The following FAM114A2 variants were observed in gnomAD, a reference collection of about 807,000 sequenced individuals.
The protein encoded by FAM114A2 is protein FAM114A2.
FAM114A2 carries 53 observed loss-of-function variants against 58.4 expected under a neutral mutation model. That is an observed-to-expected ratio of 0.91 (90% confidence interval 0.73 to 1.14). The LOEUF is 1.14. Ranked by LOEUF, FAM114A2 falls within the 50% of genes most tolerant of loss-of-function variation. FAM114A2 has a pLI of 0.00. For missense variants in FAM114A2, 601 were observed against 581.1 expected (o/e 1.03, Z -0.35); for synonymous variants, 228 against 211.4 (o/e 1.08, Z -0.68).
chr5:154,010,524 C>A (rs1770621770), intron 9 of FAM114A2, among the ~76,000 whole-genome samples: 1 of 152,098 alleles, frequency 6.6e-6, no homozygotes, highest in Non-Finnish European at 1.5e-5. Context: ...TAGCTCTCAC[C>A]TCTCCCTGGC....
In FAM114A2 at chr5:154,011,216, AAATCACCAAGAAGCAATAACTT is replaced by A. The variant is rs1292313474; in HGVS notation, c.993+3_993+24del. The A allele has an allele frequency of 6.5e-7, 1 of 1,540,294 alleles. No individual in the cohort carries two copies. The highest frequency in any genetic ancestry group is 1.4e-5 in the African/African-American group (1 of 73,088). On this transcript the variant is annotated splice_donor_5th_base_variant and intron_variant, in intron 9 of 13. Transcript: ENST00000351797. ...TACATTTTTACAAGTAAAATAATGAAAATCACCAAGAAGCAATAACTTACCCTGGCAAGTTTCTCTGGTTTGG... is the reference window on the plus strand; with the variant it reads ...TACATTTTTACAAGTAAAATAATGAAACCCTGGCAAGTTTCTCTGGTTTGG...
intron 9 of FAM114A2, among the ~76,000 whole-genome samples, chr5:154,009,585 G>A (rs1028059654): frequency 2.0e-5 from 3 of 152,142 alleles, no homozygotes; most frequent in African/African-American, 7.2e-5. Flanking sequence ...TTATTAGCAA[G>A]ATAGGAAAAT....
Position 154,034,925 on chromosome 5 carries a change from G to C in FAM114A2, c.29C>G (p.Pro10Arg), listed in dbSNP as rs748320917. 6.2e-7 allele frequency: 1 copy of C among 1,613,774 alleles called. No homozygotes were observed. Among genetic ancestry groups the C allele is most frequent in the Non-Finnish European group, 8.5e-7 (1 of 1,179,768 alleles). ...GATGGGGGCTGCTTCAGTTAGCAGT[G>C]GAGTCTCAATATCATCTTTATCTGA... The part of the protein sequence containing the change: MSDKDDIET[P>R]LLTEAAPILE... The change falls in exon 2 of 14, where the codon CCA becomes CGA. Residue 10 changes from proline to arginine, a missense_variant. Pro to Arg is a moderately radical substitution (Grantham distance 103, BLOSUM62 -2). Coordinates refer to ENST00000351797, the MANE Select transcript of FAM114A2 (RefSeq NM_018691.4).
chr5:154,018,037 C>A (rs1046522084), intron 8 of FAM114A2, among the ~76,000 whole-genome samples: 1 of 152,018 alleles, frequency 6.6e-6, no homozygotes, highest in Non-Finnish European at 1.5e-5. Context: ...CAAACCCAAA[C>A]CCAGCAGAAG....
chr5:154,023,597 A>C (rs1771580112), intron 8 of FAM114A2, among the ~76,000 whole-genome samples: 1 of 152,150 alleles, frequency 6.6e-6, no homozygotes, highest in Non-Finnish European at 1.5e-5. Flanking sequence ...CTTAAGAATG[A>C]CACAATGGGC....
intron 9 of FAM114A2, among the ~76,000 whole-genome samples, chr5:154,010,272 A>T (rs910868329): frequency 6.6e-6 from 1 of 152,184 alleles, no homozygotes; most frequent in East Asian, 1.9e-4. Flanking sequence ...TGTTTGTGCT[A>T]CTCTTGTAAC....
chr5:154,029,439 C>A, intron 5 of FAM114A2, 50 bp downstream of exon 5: 2 of 998,872 alleles, frequency 2.0e-6, no homozygotes, highest in Non-Finnish European at 3.2e-6. Context: ...GATATGCAAA[C>A]CCATTATAAT....
chr5:154,011,621 C>G (rs72806611), intron 8 of FAM114A2, among the ~76,000 whole-genome samples: 2,235 of 152,230 alleles, frequency 0.015, 20 homozygotes, highest in Non-Finnish European at 0.021. Context: ...GATTAGTAGT[C>G]AAACCTTAGT....
intron 2 of FAM114A2, among the ~76,000 whole-genome samples, 180 bp from the exon 3 acceptor site, chr5:154,034,557 A>G (rs1383372804): frequency 6.6e-6 from 1 of 152,234 alleles, no homozygotes; most frequent in African/African-American, 2.4e-5. Context: ...GCATGTAAGT[A>G]CCACATAGCA....
intron 4 of FAM114A2, among the ~76,000 whole-genome samples, chr5:154,032,175 G>A (rs554102099): frequency 6.6e-5 from 10 of 152,080 alleles, no homozygotes; most frequent in Non-Finnish European, 1.3e-4. Context: ...TTCCCCTAGA[G>A]CCCACTCTTC....
chr5:154,030,510 A>C (rs1772114378), intron 4 of FAM114A2, among the ~76,000 whole-genome samples: 1 of 152,248 alleles, frequency 6.6e-6, no homozygotes, highest in African/African-American at 2.4e-5. Flanking sequence ...TCACACAAGA[A>C]GAACAACAAA....
At chr5:154,015,115 C>T (rs1302910663) in intron 8 of FAM114A2, among the ~76,000 whole-genome samples, 1 of 152,166 alleles carries the variant, frequency 6.6e-6, no homozygotes, top group Non-Finnish European at 1.5e-5. Context: ...ACCTCATCCC[C>T]ATTCCCCACA....
chr5:154,032,500 A>G (rs796496949), intron 4 of FAM114A2, among the ~76,000 whole-genome samples: 8 of 152,254 alleles, frequency 5.3e-5, no homozygotes, highest in African/African-American at 1.9e-4. Flanking sequence ...TGCTAAACCC[A>G]TATCCTGATC....
chr5:154,009,610 C>T (rs750608473), intron 9 of FAM114A2, among the ~76,000 whole-genome samples: 5 of 152,072 alleles, frequency 3.3e-5, no homozygotes, highest in Non-Finnish European at 5.9e-5. Context: ...TTTAACTGTA[C>T]AGAACAAAAT....
At chr5:154,034,420 G>T in intron 2 of FAM114A2, 43 bp from the exon 3 acceptor site, 1 of 1,221,078 alleles carries the variant, frequency 8.2e-7, no homozygotes, top group South Asian at 1.4e-5. Context: ...AAAGAAAAAT[G>T]AAAAAATTAG....
At chr5:154,021,493 T>C (rs1398578942) in intron 8 of FAM114A2, among the ~76,000 whole-genome samples, 4 of 152,340 alleles carry the variant, frequency 2.6e-5, no homozygotes, top group East Asian at 3.9e-4. Flanking sequence ...AGCATTCTTA[T>C]ATACCAATAA....
At chr5:153,994,607 A>T (rs1769440081) in intron 13 of FAM114A2, 1 of 218,458 alleles carries the variant, frequency 4.6e-6, no homozygotes, top group South Asian at 1.4e-4. Flanking sequence ...TATAATTTTC[A>T]GCCCTTCATG....
At chr5:153,994,407 G>A (rs1321692716) in intron 13 of FAM114A2, among the ~76,000 whole-genome samples, 1 of 152,096 alleles carries the variant, frequency 6.6e-6, no homozygotes, top group Admixed American at 6.5e-5. Flanking sequence ...ATCAGTCACA[G>A]GATCCTCTTT....
intron 8 of FAM114A2, among the ~76,000 whole-genome samples, chr5:154,015,027 C>A (rs531737484): frequency 4.8e-4 from 73 of 152,172 alleles, no homozygotes; most frequent in African/African-American, 1.6e-3. Context: ...TGCTGGCTTT[C>A]CCCCACTTCC....
Sources: gnomAD v4.1 joint callset for allele counts (sites outside exome capture counted in the v4.1 genomes callset) on GRCh38, gnomAD v4.1.1 for gene constraint, MANE v1.5 for transcripts, NCBI Gene and HGNC (gene_info 2026-07-23, HGNC 2026-07-21) for gene names.